The following CLEC2B variants were observed in gnomAD, a reference collection of about 807,000 sequenced individuals.
The protein encoded by CLEC2B is C-type lectin domain family 2 member B.
In CLEC2B, 14 loss-of-function variants were observed where a neutral mutation model predicts 16.2. That is an observed-to-expected ratio of 0.86 (90% CI 0.57 to 1.35). The LOEUF is 1.35. Among genes scored for constraint, CLEC2B ranks in the 40% most tolerant of loss-of-function variants. The pLI, the probability that CLEC2B is intolerant of heterozygous loss-of-function variation, is 0.00. For synonymous variants in CLEC2B, 42 were observed against 55.8 expected, an observed-to-expected ratio of 0.75 and a Z score of 1.10; for missense variants, 166 against 182.3, an observed-to-expected ratio of 0.91 and a Z score of 0.52.
chr12:9,857,263 AT>A (rs1408984459), intron 3 of CLEC2B: 8 of 524,962 alleles, frequency 1.5e-5, no homozygotes, highest in Non-Finnish European at 2.4e-5. Flanking sequence ...AAAGATAGGT[AT>A]TAAGTCTACT....
In CLEC2B at chr12:9,854,463, A is replaced by G. The variant is rs187271032; in HGVS notation, c.259T>C (p.Cys87Arg). 169 of 1,612,902 alleles carry G rather than the reference A, an allele frequency of 1.0e-4. No individual in the cohort carries two copies. The East Asian group carries it at 3.5e-3, about 33-fold the overall frequency. ...EEMNFLRRYK[C>R]SSDHWIGLKM... The stretch of plus-strand genomic sequence containing the variant: ...AGTCCAATCCAGTGATCAGAACTGC[A>G]TTTATACCGCCTAAGAAAATTCTTT... The change falls in exon 4 of 5, where the codon TGC becomes CGC. Residue 87 changes from cysteine (C) to arginine (R), a missense_variant. By Grantham distance (180) the Cys-to-Arg change is radical. Coordinates refer to ENST00000228438, the MANE Select transcript of CLEC2B (RefSeq NM_005127.3).
chr12:9,865,778 TA>T (rs1454731487), intron 1 of CLEC2B, among the ~76,000 whole-genome samples: 1 of 152,018 alleles, frequency 6.6e-6, no homozygotes, highest in African/African-American at 2.4e-5. Context: ...CTCAATAAAT[TA>T]AAAAAAGTAG....
intron 4 of CLEC2B, among the ~76,000 whole-genome samples, chr12:9,853,824 A>G (rs1431042485): frequency 6.6e-6 from 1 of 152,164 alleles, no homozygotes; most frequent in Non-Finnish European, 1.5e-5. Context: ...TTTCCACGAC[A>G]GAGAGGTATT....
At chr12:9,855,596 A>T (rs1286799750) in intron 3 of CLEC2B, among the ~76,000 whole-genome samples, 1 of 151,910 alleles carries the variant, frequency 6.6e-6, no homozygotes, top group Non-Finnish European at 1.5e-5. Context: ...TTCCGTGTAA[A>T]TGCAGACGGC....
intron 2 of CLEC2B, among the ~76,000 whole-genome samples, chr12:9,860,964 G>A (rs1298850181): frequency 6.6e-6 from 1 of 151,604 alleles, no homozygotes; most frequent in Non-Finnish European, 1.5e-5. Flanking sequence ...AACTTCAAGA[G>A]GACTATATTT....
chr12:9,866,845 C>T (rs1422221917), intron 1 of CLEC2B, among the ~76,000 whole-genome samples: 3 of 152,146 alleles, frequency 2.0e-5, no homozygotes, highest in African/African-American at 4.8e-5. Flanking sequence ...GAAATAACTT[C>T]GAGCTAACAG....
At chr12:9,864,965 T>C (rs1867959693) in intron 1 of CLEC2B, among the ~76,000 whole-genome samples, 1 of 152,034 alleles carries the variant, frequency 6.6e-6, no homozygotes, top group South Asian at 2.1e-4. Flanking sequence ...GGCAGATCAT[T>C]TGAGGTCAGG....
At chr12:9,866,324 T>C (rs934177907) in intron 1 of CLEC2B, among the ~76,000 whole-genome samples, 4 of 152,140 alleles carry the variant, frequency 2.6e-5, no homozygotes, top group African/African-American at 9.6e-5. Flanking sequence ...TTTCTCCCCA[T>C]GAATTGGCAT....
rs1242394032 is a variant in CLEC2B, at chr12:9,853,377, A to G, written c.373T>C (p.Tyr125His). Residue 125 changes from tyrosine to histidine, a missense_variant, in exon 5 of 5, where the codon TAC becomes CAC. By Grantham distance (83) the Tyr-to-His change is moderately conservative. Coordinates refer to ENST00000228438, the MANE Select transcript of CLEC2B (RefSeq NM_005127.3). ...GTTGCTGCACCATCATCGCTGAGGT[A>G]GGCACATCCTTCACTCCCTCTCATG... ...FGMRGSEGCAYLSDDGAATAR... is the reference protein window; with the variant it reads ...FGMRGSEGCAHLSDDGAATAR... The G allele has an allele frequency of 6.2e-7, 1 of 1,614,066 alleles. No homozygotes were observed. Among genetic ancestry groups the G allele is most frequent in the Admixed American group, 1.7e-5 (1 of 60,006 alleles).
At chr12:9,864,987 A>G (rs1867959825) in intron 1 of CLEC2B, among the ~76,000 whole-genome samples, 1 of 152,106 alleles carries the variant, frequency 6.6e-6, no homozygotes, top group Non-Finnish European at 1.5e-5. Context: ...GCTCAAGACT[A>G]GCCTGTCCAA....
chr12:9,855,810 A>G (rs1386269116), intron 3 of CLEC2B, among the ~76,000 whole-genome samples: 1 of 152,138 alleles, frequency 6.6e-6, no homozygotes, highest in Non-Finnish European at 1.5e-5. Context: ...AAATAGATAT[A>G]AAAATATTTT....
In CLEC2B at chr12:9,862,567, A is replaced by G. The variant is rs1347163527; in HGVS notation, c.5T>C (p.Met2Thr). Residue 2 changes from methionine to threonine, a missense_variant, in exon 2 of 5, where the codon ATG becomes ACG. By Grantham distance (81) the Met-to-Thr change is moderately conservative. Transcript: ENST00000228438. ...TATAAAACACTTTTTATGTTTGGTCATCATACCTGAAAAATAAAAATAAAG... is the reference window on the plus strand; with the variant it reads ...TATAAAACACTTTTTATGTTTGGTCGTCATACCTGAAAAATAAAAATAAAG... The part of the protein sequence containing the change: M[M>T]TKHKKCFIIV... The G allele has an allele frequency of 1.4e-6, 2 of 1,474,854 alleles. No individual in the cohort carries two copies. Among genetic ancestry groups the G allele is most frequent in the Non-Finnish European group, 1.8e-6 (2 of 1,098,118 alleles). The allele number at this position is 1,474,854 out of a possible 1,614,324, so 91.4% of individuals were successfully genotyped here.
chr12:9,861,170 CA>C (rs891746697), intron 2 of CLEC2B, among the ~76,000 whole-genome samples: 3 of 151,858 alleles, frequency 2.0e-5, no homozygotes, highest in African/African-American at 7.2e-5. Context: ...AAGATATTTG[CA>C]ATACCTATAA....
intron 1 of CLEC2B, among the ~76,000 whole-genome samples, chr12:9,864,515 G>A (rs1220981004): frequency 1.3e-5 from 2 of 152,182 alleles, no homozygotes; most frequent in Non-Finnish European, 2.9e-5. Context: ...TAAGAGGTAA[G>A]CAATAAAAAT....
intron 2 of CLEC2B, among the ~76,000 whole-genome samples, chr12:9,858,072 T>C (rs1242984287): frequency 6.6e-6 from 1 of 152,094 alleles, no homozygotes; most frequent in African/African-American, 2.4e-5. Flanking sequence ...TAAGTTGGAC[T>C]GCTTATTGTC....
intron 2 of CLEC2B, among the ~76,000 whole-genome samples, chr12:9,858,688 G>GTA (rs530307083): frequency 2.1e-4 from 32 of 151,498 alleles, no homozygotes; most frequent in Middle Eastern, 3.4e-3. Flanking sequence ...TACACAGTGT[G>GTA]TATATATATA....
At chr12:9,861,000 C>G (rs1867928676) in intron 2 of CLEC2B, among the ~76,000 whole-genome samples, 1 of 151,608 alleles carries the variant, frequency 6.6e-6, no homozygotes, top group Admixed American at 6.6e-5. Flanking sequence ...AAATAGAAAC[C>G]CTACAAAAAT....
intron 2 of CLEC2B, among the ~76,000 whole-genome samples, chr12:9,860,265 A>G (rs1339754107): frequency 2.0e-5 from 3 of 151,750 alleles, no homozygotes; most frequent in Non-Finnish European, 4.4e-5. Context: ...AAAGAAACTG[A>G]AGAAAATTTA....
intron 1 of CLEC2B, among the ~76,000 whole-genome samples, chr12:9,864,517 A>C (rs1321030845): frequency 6.6e-6 from 1 of 152,250 alleles, no homozygotes; most frequent in Non-Finnish European, 1.5e-5. Context: ...AGAGGTAAGC[A>C]ATAAAAATAT....
Sources: gnomAD v4.1 joint callset for allele counts (sites outside exome capture counted in the v4.1 genomes callset) on GRCh38, gnomAD v4.1.1 for gene constraint, MANE v1.5 for transcripts, NCBI Gene and HGNC (gene_info 2026-07-23, HGNC 2026-07-21) for gene names.